Variants in COL5A2 observed in about 807,000 individuals in gnomAD.
The protein encoded by COL5A2 is collagen alpha-2(V) chain.
Under a neutral mutation model 208.2 loss-of-function variants are expected in COL5A2, and 23 were observed. The observed-to-expected ratio is 0.11, with a 90% CI of 0.08 to 0.16. COL5A2 has a LOEUF of 0.16. Among genes scored for constraint, COL5A2 ranks in the 10% least tolerant of loss-of-function variants. The pLI, the probability that COL5A2 is intolerant of heterozygous loss-of-function variation, is 1.00. For synonymous variants in COL5A2, 625 were observed against 628.5 expected (o/e 0.99, Z 0.08); for missense variants, 1,590 against 1,956.4 (o/e 0.81, Z 3.53).
chr2:189,110,395 C>T lies in COL5A2; in HGVS notation c.152G>A (p.Arg51Lys). ...ACAAGGGGCAGGTTTCCAAATGTCC[C>T]TGTTTAAGTACATCTGGCCATTCTG... ...CTQNGQMYLNRDIWKPAPCQI... is the reference protein window; with the variant it reads ...CTQNGQMYLNKDIWKPAPCQI... The change falls in exon 2 of 54, where the codon AGG becomes AAG. Residue 51 changes from arginine to lysine, a missense_variant. Physicochemically the swap from Arg to Lys is conservative, Grantham distance 26 (BLOSUM62 2). Coordinates refer to ENST00000374866, the MANE Select transcript of COL5A2 (RefSeq NM_000393.5). 6.2e-7 allele frequency: 1 copy of T among 1,614,158 alleles called. No homozygotes were observed. Among genetic ancestry groups the T allele is most frequent in the South Asian group, 1.1e-5 (1 of 91,082 alleles).
chr2:189,184,583 C>T (rs1335234377), upstream of COL5A2, among the ~76,000 whole-genome samples: 1 of 152,158 alleles, frequency 6.6e-6, no homozygotes, highest in African/African-American at 2.4e-5. Flanking sequence ...CCTCCATCTG[C>T]AAAGCCAGCA....
chr2:189,060,050 G>A (rs577454898), intron 31 of COL5A2, among the ~76,000 whole-genome samples: 2 of 152,038 alleles, frequency 1.3e-5, no homozygotes, highest in East Asian at 3.9e-4. Flanking sequence ...TTTCCTGGAG[G>A]TTTTTCCTAT....
chr2:189,329,076 G>A, the COL5A2 span, among the ~76,000 whole-genome samples: 1 of 152,144 alleles, frequency 6.6e-6, no homozygotes, highest in African/African-American at 2.4e-5. Flanking sequence ...AATCAACCAA[G>A]TTTCCATCGA....
intron 1 of COL5A2, among the ~76,000 whole-genome samples, chr2:189,176,354 C>T (rs1331348566): frequency 6.6e-6 from 1 of 152,206 alleles, no homozygotes. Context: ...CAGTTCTCCA[C>T]AGGCCCCATC....
chr2:189,109,118 G>C (rs1687210131), intron 2 of COL5A2, among the ~76,000 whole-genome samples: 1 of 151,742 alleles, frequency 6.6e-6, no homozygotes, highest in African/African-American at 2.4e-5. Context: ...GCAATTGCCA[G>C]CTCCTAGACC....
chr2:189,220,736 A>G (rs1250222274), intron 1 of COL5A2, among the ~76,000 whole-genome samples: 19 of 152,238 alleles, frequency 1.2e-4, no homozygotes, highest in Non-Finnish European at 1.5e-5. Context: ...ACTTAAAATT[A>G]AAAGCCCAAA....
chr2:189,137,885 T>C (rs1438229888), intron 1 of COL5A2, among the ~76,000 whole-genome samples: 1 of 152,246 alleles, frequency 6.6e-6, no homozygotes, highest in Admixed American at 6.5e-5. Flanking sequence ...AATTGTTTGA[T>C]GTTAATGATG....
At chr2:189,221,266 T>G (rs544517956) in intron 1 of COL5A2, among the ~76,000 whole-genome samples, 2 of 152,346 alleles carry the variant, frequency 1.3e-5, no homozygotes, top group Admixed American at 1.3e-4. Flanking sequence ...CTTTTGTTCA[T>G]GGATGATTAC....
intron 34 of COL5A2, 48 bp from the exon 35 acceptor site, chr2:189,057,074 C>T (rs777308864): frequency 1.9e-6 from 3 of 1,578,632 alleles, no homozygotes; most frequent in Admixed American, 1.7e-5. Context: ...TGTCTCTTTC[C>T]CACACTTGTG....
the COL5A2 span, among the ~76,000 whole-genome samples, chr2:189,337,132 T>C: frequency 6.6e-6 from 1 of 151,724 alleles, no homozygotes; most frequent in Non-Finnish European, 1.5e-5. Context: ...ACACATTCAT[T>C]AATACTCCTT....
chr2:189,345,053 G>A, the COL5A2 span, among the ~76,000 whole-genome samples: 3 of 152,318 alleles, frequency 2.0e-5, no homozygotes, highest in Admixed American at 2.0e-4. Flanking sequence ...AATTAGGGAG[G>A]GGTAAGAAAG....
chr2:189,168,092 C>T (rs1378548588), intron 1 of COL5A2, among the ~76,000 whole-genome samples: 2 of 152,038 alleles, frequency 1.3e-5, no homozygotes, highest in Non-Finnish European at 2.9e-5. Context: ...CGCCCACCAC[C>T]ACGCCTGGCT....
intron 13 of COL5A2, among the ~76,000 whole-genome samples, chr2:189,080,530 C>G (rs1308445001): frequency 1.3e-5 from 2 of 152,034 alleles, no homozygotes; most frequent in Non-Finnish European, 2.9e-5. Flanking sequence ...CATATGTAAA[C>G]AATATATAAT....
chr2:189,300,736 T>A, the COL5A2 span, among the ~76,000 whole-genome samples: 2 of 152,328 alleles, frequency 1.3e-5, no homozygotes, highest in East Asian at 3.9e-4. Flanking sequence ...GCAATAGGCA[T>A]TGGCCATGGT....
the COL5A2 span, among the ~76,000 whole-genome samples, chr2:189,387,749 T>C: frequency 4.1e-4 from 62 of 152,298 alleles, no homozygotes; most frequent in African/African-American, 1.2e-3. Context: ...TGTTGTTCTA[T>C]AGAAGCCAAT....
At chr2:189,229,635 A>G (rs950467743), upstream of COL5A2, among the ~76,000 whole-genome samples, 3 of 151,784 alleles carry the variant, frequency 2.0e-5, no homozygotes. Flanking sequence ...AGGGACCAAA[A>G]GACTTGTACA....
the COL5A2 span, among the ~76,000 whole-genome samples, chr2:189,401,712 C>T: frequency 6.6e-6 from 1 of 152,286 alleles, no homozygotes; most frequent in Middle Eastern, 3.4e-3. Flanking sequence ...TTCTCTACAA[C>T]CTCACCAGCA....
At chr2:189,293,077 G>C in the COL5A2 span, among the ~76,000 whole-genome samples, 1 of 151,810 alleles carries the variant, frequency 6.6e-6, no homozygotes, top group African/African-American at 2.4e-5. Flanking sequence ...ACACAGGAAG[G>C]GGAACATCAC....
chr2:189,374,141 G>C, the COL5A2 span, among the ~76,000 whole-genome samples: 2 of 151,968 alleles, frequency 1.3e-5, no homozygotes, highest in Non-Finnish European at 2.9e-5. Context: ...TTGTGACTTA[G>C]AAAAAATATT....
Sources: gnomAD v4.1 joint callset for allele counts (sites outside exome capture counted in the v4.1 genomes callset) on GRCh38, gnomAD v4.1.1 for gene constraint, MANE v1.5 for transcripts, NCBI Gene and HGNC (gene_info 2026-07-23, HGNC 2026-07-21) for gene names.